Variants in GRK4 observed in about 807,000 individuals in gnomAD.
GRK4 encodes the protein G protein-coupled receptor kinase 4, also known as G protein-coupled receptor kinase 2-like.
Under a neutral mutation model 77.9 loss-of-function variants are expected in GRK4, and 73 were observed. The observed-to-expected ratio is 0.94, with a 90% CI of 0.78 to 1.14. The LOEUF (loss-of-function observed/expected upper bound fraction) is 1.14, where lower values mean the gene tolerates loss of function less well. GRK4 is among the 50% of genes most tolerant of loss of function. The pLI is 0.00. For synonymous variants in GRK4, 257 were observed against 254.4 expected, an observed-to-expected ratio of 1.01 and a Z score of -0.10; for missense variants, 729 against 700.2, an observed-to-expected ratio of 1.04 and a Z score of -0.46.
chr4:3,021,683 G>A (rs1218278165), intron 9 of GRK4, among the ~76,000 whole-genome samples: 1 of 152,124 alleles, frequency 6.6e-6, no homozygotes, highest in Non-Finnish European at 1.5e-5. Flanking sequence ...AGAGTCTGGT[G>A]GTATTGGACC....
chr4:2,993,053 G>A (rs1000491842), intron 4 of GRK4, among the ~76,000 whole-genome samples: 28 of 152,040 alleles, frequency 1.8e-4, no homozygotes, highest in Admixed American at 7.9e-4. Flanking sequence ...TTCCTCTTTT[G>A]CATTTTGTTT....
chr4:3,038,369 C>T lies in GRK4; in HGVS notation c.1546-7C>T. 6.2e-7 allele frequency: 1 copy of T among 1,614,008 alleles called. No homozygotes were observed. The highest frequency in any genetic ancestry group is 8.5e-7 in the Non-Finnish European group (1 of 1,179,964). ...GGCTTCTCTGTCCTGTTATTCTGTG[C>T]ATGCAGATGATCGAATCTGGGTGTT... On this transcript the variant is annotated splice_polypyrimidine_tract_variant and splice_region_variant and intron_variant, in intron 14 of 15. Coordinates refer to ENST00000398052, the MANE Select transcript of GRK4 (RefSeq NM_182982.3).
intron 8 of GRK4, among the ~76,000 whole-genome samples, 171 bp from the exon 9 acceptor site, chr4:3,019,470 C>G (rs571135621): frequency 3.3e-5 from 5 of 152,274 alleles, no homozygotes; most frequent in African/African-American, 9.6e-5. Flanking sequence ...TTCAGCATGC[C>G]AAGGTCCAAG....
intron 13 of GRK4, among the ~76,000 whole-genome samples, chr4:3,036,634 T>C (rs1003168750): frequency 6.6e-6 from 1 of 152,218 alleles, no homozygotes; most frequent in African/African-American, 2.4e-5. Flanking sequence ...CACTCCCTCC[T>C]GCCTGCCTGA....
intron 6 of GRK4, among the ~76,000 whole-genome samples, chr4:3,008,801 TC>T (rs1459226057): frequency 2.1e-5 from 3 of 139,948 alleles, no homozygotes; most frequent in Non-Finnish European, 3.0e-5. Context: ...AGACTCTGTC[TC>T]AAAAAAAAAA....
intron 8 of GRK4, 47 bp downstream of exon 8, chr4:3,013,875 C>T (rs908946937): frequency 6.5e-7 from 1 of 1,536,820 alleles, no homozygotes. Flanking sequence ...TGATTCATAG[C>T]ACTTTTGTCA....
intron 1 of GRK4, among the ~76,000 whole-genome samples, chr4:2,979,013 A>G (rs1383677398): frequency 6.6e-6 from 1 of 151,850 alleles, no homozygotes; most frequent in Non-Finnish European, 1.5e-5. Context: ...GCGGATCATG[A>G]GGTCAGGAGA....
chr4:3,004,129 A>C (rs1578185693), intron 4 of GRK4, 102 bp from the exon 5 acceptor site: 1 of 882,770 alleles, frequency 1.1e-6, no homozygotes, highest in Non-Finnish European at 1.8e-6. Flanking sequence ...CTTTCATTTT[A>C]TACACTTTGT....
At chr4:2,976,006 A>G (rs377060411) in intron 1 of GRK4, among the ~76,000 whole-genome samples, 4 of 152,200 alleles carry the variant, frequency 2.6e-5, no homozygotes, top group South Asian at 2.1e-4. Context: ...TTTAGCCAGC[A>G]TGATAAGGAG....
In GRK4 at chr4:3,019,624, G is replaced by A. The variant is rs756580603; in HGVS notation, c.742-17G>A. On this transcript the variant is annotated splice_polypyrimidine_tract_variant and intron_variant, in intron 8 of 15. Coordinates refer to ENST00000398052, the MANE Select transcript of GRK4 (RefSeq NM_182982.3). Reference sequence around the variant, plus strand: ...GAGCAAGTTCGTGTTCTGTTTTTATGATGTTGCTGTCTTTAGGTTAGTTTA... The same window carrying A: ...GAGCAAGTTCGTGTTCTGTTTTTATAATGTTGCTGTCTTTAGGTTAGTTTA... The A allele has an allele frequency of 6.3e-7, 1 of 1,581,450 alleles. No individual in the cohort carries two copies. The highest frequency in any genetic ancestry group is 8.6e-7 in the Non-Finnish European group (1 of 1,161,824).
intron 4 of GRK4, among the ~76,000 whole-genome samples, chr4:2,993,284 A>C (rs1726814707): frequency 6.6e-6 from 1 of 152,186 alleles, no homozygotes; most frequent in African/African-American, 2.4e-5. Context: ...GCTTCCTTTC[A>C]TGTGACTTCT....
intron 4 of GRK4, among the ~76,000 whole-genome samples, chr4:2,996,028 G>A (rs1727756728): frequency 6.6e-6 from 1 of 152,094 alleles, no homozygotes; most frequent in African/African-American, 2.4e-5. Context: ...GACTGTTCTG[G>A]GCCTGATAAT....
intron 1 of GRK4, among the ~76,000 whole-genome samples, chr4:2,967,560 G>A (rs1175155012): frequency 1.3e-5 from 2 of 151,718 alleles, no homozygotes; most frequent in Non-Finnish European, 2.9e-5. Context: ...ACCATTCCCG[G>A]CTAATTTTTT....
At chr4:3,003,103 A>G (rs1268621627) in intron 4 of GRK4, among the ~76,000 whole-genome samples, 4 of 152,230 alleles carry the variant, frequency 2.6e-5, no homozygotes, top group African/African-American at 9.6e-5. Context: ...CCTGGCAACC[A>G]CCATTCTACT....
intron 5 of GRK4, among the ~76,000 whole-genome samples, chr4:3,007,383 C>A (rs58479563): frequency 0.01 from 1,553 of 152,270 alleles, 28 homozygotes; most frequent in African/African-American, 0.036. Flanking sequence ...TGGCTGAAGC[C>A]GGACTTGCAG....
At chr4:3,034,941 G>C (rs1268162921) in intron 12 of GRK4, among the ~76,000 whole-genome samples, 1 of 152,108 alleles carries the variant, frequency 6.6e-6, no homozygotes, top group Non-Finnish European at 1.5e-5. Context: ...AGTTCCTGAG[G>C]TCTGCTTGAT....
chr4:3,037,263 G>A, intron 13 of GRK4, 111 bp from the exon 14 acceptor site: 1 of 1,018,640 alleles, frequency 9.8e-7, no homozygotes, highest in Non-Finnish European at 1.4e-6. Flanking sequence ...TGGAGACAGG[G>A]AGAGTGGCGG....
intron 1 of GRK4, among the ~76,000 whole-genome samples, chr4:2,981,960 C>A (rs1357050233): frequency 6.6e-6 from 1 of 152,252 alleles, no homozygotes; most frequent in Admixed American, 6.5e-5. Flanking sequence ...TCAGCACCGC[C>A]CCTATCGTGC....
intron 12 of GRK4, among the ~76,000 whole-genome samples, chr4:3,034,884 G>A (rs763585565): frequency 3.0e-4 from 45 of 152,044 alleles, no homozygotes; most frequent in East Asian, 3.9e-4. Context: ...CGAAACCTTC[G>A]CCCCCCTCCT....
Sources: allele counts gnomAD v4.1 joint callset (sites outside exome capture counted in the v4.1 genomes callset), GRCh38; gene constraint gnomAD v4.1.1; transcripts MANE v1.5; gene names NCBI Gene and HGNC (gene_info 2026-07-23, HGNC 2026-07-21).